ZNF264: variants seen among roughly 807,000 people sequenced by gnomAD.
ZNF264 encodes zinc finger protein 264.
Under a neutral mutation model 11.2 loss-of-function variants are expected in ZNF264, and 11 were observed. The observed-to-expected ratio is 0.98, with a 90% CI of 0.62 to 1.63. The LOEUF (loss-of-function observed/expected upper bound fraction) is 1.63. Ranked by LOEUF, ZNF264 falls within the 40% of genes most tolerant of loss-of-function variation. The probability of loss-of-function intolerance (pLI) is 0.00; values close to 1 mark genes in which losing one functional copy is unlikely to be tolerated. For missense variants in ZNF264, 752 were observed against 768.1 expected (o/e 0.98, Z 0.25); for synonymous variants, 309 against 279.8 (o/e 1.10, Z -1.04).
At chr19:57,210,714 C>T (rs1400134524) in intron 3 of ZNF264, among the ~76,000 whole-genome samples, 3 of 152,208 alleles carry the variant, frequency 2.0e-5, no homozygotes, top group African/African-American at 7.2e-5. Flanking sequence ...TAAATTATGA[C>T]ATAAGCCCTA....
At chr19:57,203,854 C>A (rs11666314) in intron 2 of ZNF264, among the ~76,000 whole-genome samples, 77,625 of 151,844 alleles carry the variant, frequency 0.51, 21,003 homozygotes, top group African/African-American at 0.68. Flanking sequence ...AAGGGGAGCC[C>A]GAACCCTGGT....
At chr19:57,203,811 T>C (rs2087270934) in intron 2 of ZNF264, among the ~76,000 whole-genome samples, 1 of 152,104 alleles carries the variant, frequency 6.6e-6, no homozygotes, top group African/African-American at 2.4e-5. Flanking sequence ...CACTCTGTGG[T>C]GCTAGTAATT....
rs149151556 is a variant in ZNF264 at position 57,197,447 on chromosome 19, C to A, written c.160+3446C>A. On this transcript the variant is annotated intron_variant, in intron 2 of 3. Transcript: ENST00000263095. Reference sequence around the variant, plus strand: ...GGGCCTTGCTCCAAAATCCTAGAGGCCTTCGCTGTGATTCACCTATGGGGG... The same window carrying A: ...GGGCCTTGCTCCAAAATCCTAGAGGACTTCGCTGTGATTCACCTATGGGGG... 2.0e-4 allele frequency among the ~76,000 whole-genome samples: 31 copies of A among 151,924 alleles called. 1 individual carries two copies. In the East Asian group the frequency reaches 5.6e-3, roughly 27 times the overall value.
intron 1 of ZNF264, chr19:57,192,468 C>T (rs2087181066): frequency 1.0e-6 from 1 of 985,392 alleles, no homozygotes; most frequent in Non-Finnish European, 1.2e-6. Flanking sequence ...CTCATCGCTA[C>T]AGCCTGCATT....
intron 2 of ZNF264, among the ~76,000 whole-genome samples, chr19:57,195,389 G>A (rs2087204815): frequency 6.6e-6 from 1 of 152,190 alleles, no homozygotes; most frequent in Non-Finnish European, 1.5e-5. Context: ...AACAATTACA[G>A]TCCTCATTTC....
Position 57,212,168 on chromosome 19 carries a change from T to C in ZNF264, c.1071T>C (p.Tyr357=), listed in dbSNP as rs1220398660. The change falls in exon 4 of 4, where the codon TAT becomes TAC. Residue 357 remains tyrosine (Y), a synonymous_variant. Transcript: ENST00000263095. ...GCAAGGTCTTCAAACACAGGTCATA[T>C]CTCATGTGGCACCAGCAGACTCATA... ...ECGKVFKHRS[Y]LMWHQQTHTG... 3.7e-6 allele frequency: 6 copies of C among 1,613,890 alleles called. No homozygotes were observed. In the Admixed American group the frequency reaches 6.7e-5, roughly 18 times the overall value.
chr19:57,202,231 C>T (rs1270306406), intron 2 of ZNF264, among the ~76,000 whole-genome samples: 1 of 151,600 alleles, frequency 6.6e-6, no homozygotes, highest in African/African-American at 2.4e-5. Flanking sequence ...AATTTGTACC[C>T]ATGGGATTTT....
rs1357290418 is a variant in ZNF264 at position 57,205,441 on chromosome 19, G to A, written c.205G>A (p.Gly69Arg). ...TGAGCTGATCTGCCACCTAGAGCAT[G>A]GGCAGGAGCCATGGACCAGGAAGGA... ...KAELICHLEH[G>R]QEPWTRKEDL... Residue 69 changes from glycine to arginine, a missense_variant, in exon 3 of 4, where the codon GGG becomes AGG. Transcript: ENST00000263095. 3.1e-6 allele frequency: 5 copies of A among 1,612,466 alleles called. No homozygotes were observed. Among genetic ancestry groups the A allele is most frequent in the Admixed American group, 3.3e-5 (2 of 59,794 alleles).
chr19:57,192,159 T>A (rs1325184151), intron 1 of ZNF264, among the ~76,000 whole-genome samples: 1 of 152,012 alleles, frequency 6.6e-6, no homozygotes, highest in Admixed American at 6.5e-5. Flanking sequence ...GAATGATGCT[T>A]CCTCTGGGGA....
rs1182718368 is a variant in ZNF264, at chr19:57,211,627, C to G, written c.530C>G (p.Ser177Cys). 1 of 1,614,144 alleles carries G rather than the reference C, an allele frequency of 6.2e-7. No homozygotes were observed. The highest frequency in any genetic ancestry group is 2.2e-5 in the East Asian group (1 of 44,880). The stretch of plus-strand genomic sequence containing the variant: ...TCAAGGATTGGACAGGAGCAAGTCT[C>G]TCCAGGAGATAGAGTCCGTAGCCAT... ...VCSRIGQEQV[S>C]PGDRVRSHNS... Residue 177 changes from serine (S) to cysteine (C), a missense_variant, in exon 4 of 4, where the codon TCT becomes TGT. Physicochemically the swap from Ser to Cys is moderately radical, Grantham distance 112. Coordinates refer to ENST00000263095, the MANE Select transcript of ZNF264 (RefSeq NM_003417.5).
At position 57,212,345 on chromosome 19, in the gene ZNF264, G is replaced by C. The variant is rs1568477127; in HGVS notation, c.1248G>C (p.Arg416Ser). ...TCAACCACCGATCCTACCTCAAGAGGCACCAGCGGATTCACACTGGGGAGA... is the reference window on the plus strand; with the variant it reads ...TCAACCACCGATCCTACCTCAAGAGCCACCAGCGGATTCACACTGGGGAGA... The part of the protein sequence containing the change: ...KAFNHRSYLK[R>S]HQRIHTGEKP... The change falls in exon 4 of 4, where the codon AGG becomes AGC. Residue 416 changes from arginine to serine, a missense_variant. Physicochemically the swap from Arg to Ser is moderately radical, Grantham distance 110 (BLOSUM62 -1). Coordinates refer to ENST00000263095, the MANE Select transcript of ZNF264 (RefSeq NM_003417.5). 4 of 1,613,210 alleles carry C rather than the reference G, an allele frequency of 2.5e-6. No homozygotes were observed. The highest frequency in any genetic ancestry group is 1.1e-5 in the South Asian group (1 of 91,034).
chr19:57,195,885 G>A (rs11881934), intron 2 of ZNF264, among the ~76,000 whole-genome samples: 23,768 of 151,720 alleles, frequency 0.16, 2,216 homozygotes, highest in Middle Eastern at 0.23. Context: ...CCAACGGAAT[G>A]TAATGTCGCG....
intron 2 of ZNF264, among the ~76,000 whole-genome samples, chr19:57,203,507 C>A (rs1599949613): frequency 6.6e-6 from 1 of 152,076 alleles, no homozygotes; most frequent in Non-Finnish European, 1.5e-5. Flanking sequence ...AGAAGATAAA[C>A]CTTCATCTAT....
intron 2 of ZNF264, among the ~76,000 whole-genome samples, chr19:57,204,290 GT>G (rs1384740957): frequency 6.6e-6 from 1 of 152,092 alleles, no homozygotes; most frequent in Admixed American, 6.5e-5. Flanking sequence ...GTTCTCATTG[GT>G]GAGATGAGGA....
chr19:57,207,874 A>T (rs1276827569), intron 3 of ZNF264, among the ~76,000 whole-genome samples: 1 of 151,960 alleles, frequency 6.6e-6, no homozygotes, highest in Non-Finnish European at 1.5e-5. Context: ...TTATAGGTGC[A>T]TGCCACCACG....
At chr19:57,195,524 C>T (rs949179939) in intron 2 of ZNF264, among the ~76,000 whole-genome samples, 10 of 152,258 alleles carry the variant, frequency 6.6e-5, no homozygotes, top group Middle Eastern at 3.4e-3. Context: ...TGGAGTGACC[C>T]AAACCTTCAT....
intron 2 of ZNF264, among the ~76,000 whole-genome samples, chr19:57,198,610 T>C (rs998410923): frequency 1.3e-5 from 2 of 151,804 alleles, no homozygotes; most frequent in African/African-American, 4.9e-5. Flanking sequence ...CTGGACCCAC[T>C]GTAAGTCAGG....
rs183319202 is a variant in ZNF264 at position 57,220,235 on chromosome 19, A to G, written c.*7254A>G. On this transcript the variant is annotated 3_prime_UTR_variant, in exon 4 of 4. Transcript: ENST00000263095. ...TATTTTTACTAAAGTTGATTCAACAATGCTATAATCTGTTACTCTCATTCG... is the reference window on the plus strand; with the variant it reads ...TATTTTTACTAAAGTTGATTCAACAGTGCTATAATCTGTTACTCTCATTCG... The G allele has an allele frequency of 2.0e-4, 31 of 152,314 alleles. No individual in the cohort carries two copies. Among genetic ancestry groups the G allele is most frequent in the Admixed American group, 1.5e-3 (23 of 15,288 alleles). The allele number at this position is 152,314 out of a possible 1,614,324, so 9.4% of individuals were successfully genotyped here. A position where few individuals can be genotyped will look rare whatever the true frequency, so the allele number is the denominator to read the frequency against.
chr19:57,206,086 A>G lies in ZNF264; in HGVS notation c.256+594A>G, dbSNP rs1047791086. Among the ~76,000 whole-genome samples, 4 of 152,014 alleles carry G rather than the reference A, an allele frequency of 2.6e-5. No homozygotes were observed. In the East Asian group the frequency reaches 5.8e-4, roughly 22 times the overall value. The stretch of plus-strand genomic sequence containing the variant: ...GTTAAACCCACTTCCAGAAATACCA[A>G]CTCCCCTCACATTCCACCCACAGGA... On this transcript the variant is annotated intron_variant, in intron 3 of 3. Coordinates refer to ENST00000263095, the MANE Select transcript of ZNF264 (RefSeq NM_003417.5).
Sources: allele counts gnomAD v4.1 joint callset (sites outside exome capture counted in the v4.1 genomes callset), GRCh38; gene constraint gnomAD v4.1.1; transcripts MANE v1.5; gene names NCBI Gene and HGNC (gene_info 2026-07-23, HGNC 2026-07-21).